LGR4: variants seen among roughly 807,000 people sequenced by gnomAD.
LGR4 encodes leucine rich repeat containing G protein-coupled receptor 4, also known as leucine-rich repeat-containing G protein-coupled receptor 4.
A neutral mutation model predicts 84.8 loss-of-function variants in LGR4; 44 were observed. The ratio of observed to expected loss-of-function variants is 0.52; its 90% confidence interval spans 0.41 to 0.67. The LOEUF is 0.67. Ranked by LOEUF, LGR4 falls within the 30% of genes least tolerant of loss-of-function variation. LGR4 has a pLI of 0.00. For synonymous variants in LGR4, 429 were observed against 434.3 expected (o/e 0.99, Z 0.15); for missense variants, 1,032 against 1,131.4 (o/e 0.91, Z 1.26).
chr11:27,381,437 GTAATCCC>G (rs1351261592), intron 7 of LGR4, among the ~76,000 whole-genome samples: 2 of 152,180 alleles, frequency 1.3e-5, no homozygotes, highest in South Asian at 2.1e-4. Context: ...GCTCACGCCT[GTAATCCC>G]AGCATTCTGA....
At chr11:27,466,591 C>T (rs979846178) in intron 1 of LGR4, among the ~76,000 whole-genome samples, 35 of 152,184 alleles carry the variant, frequency 2.3e-4, no homozygotes, top group Non-Finnish European at 1.0e-4. Context: ...TAATACAGAA[C>T]TTTGATCTTT....
chr11:27,403,578 A>G (rs1004405173), intron 2 of LGR4, among the ~76,000 whole-genome samples: 1 of 152,244 alleles, frequency 6.6e-6, no homozygotes, highest in African/African-American at 2.4e-5. Context: ...AGATGTATTA[A>G]TATGTAAAAT....
chr11:27,388,385 G>C (rs967904975), intron 4 of LGR4, among the ~76,000 whole-genome samples: 14 of 152,142 alleles, frequency 9.2e-5, no homozygotes, highest in African/African-American at 3.4e-4. Flanking sequence ...TCTTTAAGTA[G>C]ATGCTGAAAA....
chr11:27,420,845 G>A (rs1175860114), intron 1 of LGR4, among the ~76,000 whole-genome samples: 2 of 152,062 alleles, frequency 1.3e-5, no homozygotes, highest in African/African-American at 4.8e-5. Flanking sequence ...TAAAACCAGA[G>A]TGGTCAAAGA....
rs1383416753 is a variant in LGR4 at position 27,388,218 on chromosome 11, C to T, written c.402-2750G>A. Reference sequence around the variant, plus strand: ...ACTCAAATGGTTAATCCTTATCTCTCAATTCACATGTGGGTGTGGTGAGGC... The same window carrying T: ...ACTCAAATGGTTAATCCTTATCTCTTAATTCACATGTGGGTGTGGTGAGGC... On this transcript the variant is annotated intron_variant, in intron 4 of 17. Coordinates refer to ENST00000379214, the MANE Select transcript of LGR4 (RefSeq NM_018490.5). Among the ~76,000 whole-genome samples the T allele has an allele frequency of 5.3e-5, 8 of 152,122 alleles. 1 individual carries two copies. The highest frequency in any genetic ancestry group is 5.2e-4 in the Admixed American group (8 of 15,262).
At chr11:27,422,554 C>G (rs1445621573) in intron 1 of LGR4, among the ~76,000 whole-genome samples, 1 of 152,144 alleles carries the variant, frequency 6.6e-6, no homozygotes, top group Non-Finnish European at 1.5e-5. Flanking sequence ...CAGCATGTAC[C>G]TGCTTCTCTC....
At position 27,392,525 on chromosome 11, in the gene LGR4, A is replaced by G. The variant is rs78042986; in HGVS notation, c.258-7T>C. Reference sequence around the variant, plus strand: ...GTCGTTGCCCGCCAATTGTCTAGAGAAAAAAAAAAAAAAAGTAGCAAGAAA... The same window carrying G: ...GTCGTTGCCCGCCAATTGTCTAGAGGAAAAAAAAAAAAAAGTAGCAAGAAA... On this transcript the variant is annotated splice_region_variant and splice_polypyrimidine_tract_variant and intron_variant, in intron 2 of 17. Coordinates refer to ENST00000379214, the MANE Select transcript of LGR4 (RefSeq NM_018490.5). 4.7e-6 allele frequency: 2 copies of G among 424,746 alleles called. No homozygotes were observed. The highest frequency in any genetic ancestry group is 7.7e-5 in the East Asian group (1 of 12,972). The allele number at this position is 424,746 out of a possible 1,614,324, so 26.3% of individuals were successfully genotyped here.
Position 27,368,597 on chromosome 11 carries a change from G to A in LGR4, c.2126C>T (p.Thr709Met), listed in dbSNP as rs34717439. The A allele has an allele frequency of 0.03, 48,744 of 1,613,686 alleles. 844 individuals are homozygous for A. Among genetic ancestry groups the A allele is most frequent in the Middle Eastern group, 0.065 (392 of 6,060 alleles). ...TGCTAGTGAGTTTAATAGCACTAACGTTACAGTGAATCCTAATGATGGCGT... is the reference window on the plus strand; with the variant it reads ...TGCTAGTGAGTTTAATAGCACTAACATTACAGTGAATCCTAATGATGGCGT... ...GETPSLGFTV[T>M]LVLLNSLAFL... Residue 709 changes from threonine to methionine, a missense_variant, in exon 18 of 18, where the codon ACG becomes ATG. Coordinates refer to ENST00000379214, the MANE Select transcript of LGR4 (RefSeq NM_018490.5).
rs781017862 is a variant in LGR4, at chr11:27,367,210, T to G, written c.*657A>C. 1.3e-5 allele frequency: 2 copies of G among 152,248 alleles called. No individual in the cohort carries two copies. The highest frequency in any genetic ancestry group is 4.8e-5 in the African/African-American group (2 of 41,472). 9.4% of individuals were successfully genotyped at this position (152,248 alleles called of 1,614,324 possible). ...TTGGACCAAAGCAATGTATAATGAC[T>G]GAAAACAAATGTCCAGCTATTTTTT... On this transcript the variant is annotated 3_prime_UTR_variant, in exon 18 of 18. Transcript: ENST00000379214.
chr11:27,467,960 A>T (rs1864810494), intron 1 of LGR4, among the ~76,000 whole-genome samples: 1 of 152,246 alleles, frequency 6.6e-6, no homozygotes, highest in South Asian at 2.1e-4. Flanking sequence ...AAATCAAAAG[A>T]TAACAAAACT....
intron 1 of LGR4, among the ~76,000 whole-genome samples, chr11:27,453,524 A>G (rs1864521504): frequency 6.6e-6 from 1 of 152,084 alleles, no homozygotes; most frequent in African/African-American, 2.4e-5. Flanking sequence ...ATTTTCCTTG[A>G]TGGTATGTAA....
At chr11:27,393,651 T>C (rs572577301) in intron 2 of LGR4, among the ~76,000 whole-genome samples, 1 of 152,204 alleles carries the variant, frequency 6.6e-6, no homozygotes, top group Admixed American at 6.5e-5. Context: ...CTAAGCCTTA[T>C]TCATTAATTC....
At chr11:27,454,093 C>T (rs982466807) in intron 1 of LGR4, among the ~76,000 whole-genome samples, 5 of 152,164 alleles carry the variant, frequency 3.3e-5, no homozygotes, top group East Asian at 3.8e-4. Context: ...CATTGGAACT[C>T]GGACATTCCT....
At chr11:27,381,167 T>C (rs1590348457) in intron 7 of LGR4, among the ~76,000 whole-genome samples, 2 of 152,300 alleles carry the variant, frequency 1.3e-5, no homozygotes, top group South Asian at 4.2e-4. Context: ...ACCCACTGCT[T>C]AGCTTGGTAT....
At chr11:27,401,384 T>C (rs1279379462) in intron 2 of LGR4, among the ~76,000 whole-genome samples, 1 of 152,200 alleles carries the variant, frequency 6.6e-6, no homozygotes, top group East Asian at 1.9e-4. Flanking sequence ...TACTTTATTT[T>C]AGAGGTAAAT....
At chr11:27,465,564 T>C (rs543069622) in intron 1 of LGR4, among the ~76,000 whole-genome samples, 2 of 152,318 alleles carry the variant, frequency 1.3e-5, no homozygotes, top group South Asian at 4.2e-4. Context: ...TATGTGTGAG[T>C]GAACTCAGAG....
chr11:27,463,307 A>G (rs111665000), intron 1 of LGR4, among the ~76,000 whole-genome samples: 1,615 of 152,176 alleles, frequency 0.011, 23 homozygotes, highest in African/African-American at 0.037. Flanking sequence ...TGACATGACC[A>G]TGGACTCAAA....
chr11:27,413,452 A>G (rs1863749097), intron 1 of LGR4, among the ~76,000 whole-genome samples: 2 of 152,130 alleles, frequency 1.3e-5, no homozygotes, highest in Non-Finnish European at 2.9e-5. Context: ...CGTCCGCAGA[A>G]AGAAAACTCA....
Position 27,458,434 on chromosome 11 carries a change from G to T in LGR4, c.185+13684C>A, listed in dbSNP as rs1033228512. On this transcript the variant is annotated intron_variant, in intron 1 of 17. Coordinates refer to ENST00000379214, the MANE Select transcript of LGR4 (RefSeq NM_018490.5). Reference sequence around the variant, plus strand: ...TGGTGGTCACATGACTGTATACATTGTGAAACTCATAGAACTGAACATTAA... The same window carrying T: ...TGGTGGTCACATGACTGTATACATTTTGAAACTCATAGAACTGAACATTAA... 3.1e-4 allele frequency among the ~76,000 whole-genome samples: 47 copies of T among 152,168 alleles called. 1 individual carries two copies. The highest frequency in any genetic ancestry group is 1.5e-5 in the Non-Finnish European group (1 of 68,044).
Sources: gnomAD v4.1 joint callset for allele counts (sites outside exome capture counted in the v4.1 genomes callset) on GRCh38, gnomAD v4.1.1 for gene constraint, MANE v1.5 for transcripts, NCBI Gene and HGNC (gene_info 2026-07-23, HGNC 2026-07-21) for gene names.